The following ITPR1 variants were observed in gnomAD, a reference collection of about 807,000 sequenced individuals.
ITPR1 encodes inositol 1,4,5-trisphosphate receptor type 1.
In ITPR1, 96 loss-of-function variants were observed where a neutral mutation model predicts 318.4. The observed-to-expected ratio is 0.30, with a 90% CI of 0.26 to 0.36. The LOEUF (loss-of-function observed/expected upper bound fraction) is 0.36, where lower values mean the gene tolerates loss of function less well. ITPR1 is among the 10% of genes least tolerant of loss of function. The probability of loss-of-function intolerance (pLI) is 1.00; values close to 1 mark genes in which losing one functional copy is unlikely to be tolerated. For synonymous variants in ITPR1, 1,312 were observed against 1,289.9 expected (o/e 1.02, Z -0.37); for missense variants, 2,440 against 3,460.2 (o/e 0.71, Z 7.40).
At chr3:4,774,781 G>C (rs185981149) in intron 46 of ITPR1, among the ~76,000 whole-genome samples, 9 of 152,320 alleles carry the variant, frequency 5.9e-5, no homozygotes, top group Admixed American at 3.9e-4. Context: ...TAAGCCAGCT[G>C]ATCACACCCC....
chr3:4,791,390 A>G (rs1032911467), intron 52 of ITPR1, among the ~76,000 whole-genome samples: 2 of 152,224 alleles, frequency 1.3e-5, no homozygotes, highest in Admixed American at 1.3e-4. Flanking sequence ...CAGATCATCA[A>G]GCATTAGATT....
intron 4 of ITPR1, among the ~76,000 whole-genome samples, chr3:4,592,067 G>A (rs1213273093): frequency 7.9e-5 from 12 of 152,114 alleles, no homozygotes; most frequent in Non-Finnish European, 1.5e-5. Flanking sequence ...CTGGGGTTCC[G>A]AGGAATTCTT....
intron 7 of ITPR1, 22 bp from the exon 8 acceptor site, chr3:4,644,114 C>G (rs1208159646): frequency 6.5e-7 from 1 of 1,537,938 alleles, no homozygotes; most frequent in African/African-American, 1.4e-5. Context: ...GTGCAAAGCT[C>G]TATTGCTCCT....
chr3:4,805,110 A>G lies in ITPR1; in HGVS notation c.7108-993A>G, dbSNP rs186027698. Reference sequence around the variant, plus strand: ...TTGCAGATGTCAGAAAACCTAATCCATGCTAGCCTCAGCAAAGGAGAATAT... The same window carrying G: ...TTGCAGATGTCAGAAAACCTAATCCGTGCTAGCCTCAGCAAAGGAGAATAT... On this transcript the variant is annotated intron_variant, in intron 54 of 61. Coordinates refer to ENST00000649015, the MANE Select transcript of ITPR1 (RefSeq NM_001378452.1). Among the ~76,000 whole-genome samples, 11 of 152,362 alleles carry G rather than the reference A, an allele frequency of 7.2e-5. No individual in the cohort carries two copies. In the East Asian group the frequency reaches 2.1e-3, roughly 29 times the overall value.
chr3:4,705,972 A>C (rs2094748468), intron 36 of ITPR1, among the ~76,000 whole-genome samples, 195 bp from the exon 37 acceptor site: 2 of 152,168 alleles, frequency 1.3e-5, no homozygotes, highest in Non-Finnish European at 2.9e-5. Flanking sequence ...TTCCCCCCAG[A>C]ATTCACACTG....
intron 4 of ITPR1, among the ~76,000 whole-genome samples, chr3:4,553,601 CTTT>C (rs35264136): frequency 1.5e-5 from 2 of 134,334 alleles, no homozygotes. Flanking sequence ...TGGATAATTT[CTTT>C]TTTTTTTTTT....
intron 10 of ITPR1, chr3:4,645,947 G>T (rs1161815111): frequency 7.8e-6 from 4 of 511,128 alleles, no homozygotes; most frequent in African/African-American, 1.9e-5. Flanking sequence ...AAAATGGGTT[G>T]GGGATGGCAT....
chr3:4,683,847 G>C, intron 28 of ITPR1, 49 bp downstream of exon 28: 1 of 1,523,714 alleles, frequency 6.6e-7, no homozygotes, highest in Admixed American at 1.9e-5. Context: ...TGGGCTTCTC[G>C]AAACTAGGGA....
At chr3:4,655,308 G>A (rs759753815) in intron 12 of ITPR1, among the ~76,000 whole-genome samples, 1 of 152,132 alleles carries the variant, frequency 6.6e-6, no homozygotes, top group African/African-American at 2.4e-5. Flanking sequence ...TTCGGTGAGC[G>A]CTGATGTCCA....
intron 18 of ITPR1, 122 bp from the exon 19 acceptor site, chr3:4,669,532 G>C (rs1319653993): frequency 2.3e-6 from 2 of 883,746 alleles, no homozygotes; most frequent in Non-Finnish European, 3.2e-6. Context: ...TCAAGACTTA[G>C]AATGCTGCTG....
chr3:4,620,818 A>T (rs762459125), intron 4 of ITPR1, among the ~76,000 whole-genome samples: 1 of 151,572 alleles, frequency 6.6e-6, no homozygotes, highest in East Asian at 1.9e-4. Flanking sequence ...GAATCGGGAG[A>T]TTGGGATCTC....
At chr3:4,615,622 C>A (rs926251612) in intron 4 of ITPR1, among the ~76,000 whole-genome samples, 1 of 152,086 alleles carries the variant, frequency 6.6e-6, no homozygotes, top group Non-Finnish European at 1.5e-5. Context: ...GTGATCCACT[C>A]GCCTTGGCCT....
intron 11 of ITPR1, 126 bp downstream of exon 11, chr3:4,652,344 C>T (rs908773665): frequency 2.9e-6 from 2 of 684,044 alleles, no homozygotes; most frequent in East Asian, 5.7e-5. Context: ...TGCTTTTCCT[C>T]CTGTTTTTCT....
intron 24 of ITPR1, among the ~76,000 whole-genome samples, chr3:4,678,030 T>A (rs1361974040): frequency 1.3e-5 from 2 of 152,190 alleles, no homozygotes; most frequent in Non-Finnish European, 2.9e-5. Context: ...TGTTAGCACC[T>A]TCTTTTTTTT....
At chr3:4,727,592 T>C (rs2042611216) in intron 42 of ITPR1, among the ~76,000 whole-genome samples, 1 of 152,222 alleles carries the variant, frequency 6.6e-6, no homozygotes, top group African/African-American at 2.4e-5. Context: ...GGTGGTTTTT[T>C]AGAGACAGAT....
chr3:4,519,312 C>T (rs1368501171), intron 3 of ITPR1, among the ~76,000 whole-genome samples: 4 of 152,168 alleles, frequency 2.6e-5, no homozygotes, highest in African/African-American at 9.7e-5. Flanking sequence ...CTGCACCCTC[C>T]ACCTCCTGGG....
At chr3:4,815,815 G>C (rs181985486) in intron 59 of ITPR1, among the ~76,000 whole-genome samples, 1 of 152,142 alleles carries the variant, frequency 6.6e-6, no homozygotes, top group African/African-American at 2.4e-5. Flanking sequence ...AAAAAGATCA[G>C]TTTCCAATTA....
At chr3:4,769,140 T>TC (rs1575182557) in intron 46 of ITPR1, among the ~76,000 whole-genome samples, 1 of 151,848 alleles carries the variant, frequency 6.6e-6, no homozygotes, top group Non-Finnish European at 1.5e-5. Context: ...CCTCAAGTGA[T>TC]CCCCCCACCT....
At chr3:4,821,609 C>T (rs1463188845) in intron 60 of ITPR1, among the ~76,000 whole-genome samples, 1 of 152,214 alleles carries the variant, frequency 6.6e-6, no homozygotes, top group African/African-American at 2.4e-5. Flanking sequence ...TGTGCAGAGC[C>T]ATGGCCCTCC....
Sources: gnomAD v4.1 joint callset for allele counts (sites outside exome capture counted in the v4.1 genomes callset) on GRCh38, gnomAD v4.1.1 for gene constraint, MANE v1.5 for transcripts, NCBI Gene and HGNC (gene_info 2026-07-23, HGNC 2026-07-21) for gene names.